Variants in ZNF362 observed in about 807,000 individuals in gnomAD.
The protein encoded by ZNF362 is rotund homolog.
ZNF362 carries 11 observed loss-of-function variants against 42.9 expected under a neutral mutation model. The ratio of observed to expected loss-of-function variants is 0.26; its 90% CI spans 0.16 to 0.42. The LOEUF is 0.42. ZNF362 is among the 20% of genes least tolerant of loss of function. The pLI is 1.00. For synonymous variants in ZNF362, 255 were observed against 257.3 expected, an observed-to-expected ratio of 0.99 and a Z score of 0.09; for missense variants, 362 against 576.2, an observed-to-expected ratio of 0.63 and a Z score of 3.81.
At chr1:33,157,340 C>T in the ZNF362 span, among the ~76,000 whole-genome samples, 9 of 152,104 alleles carry the variant, frequency 5.9e-5, no homozygotes, top group African/African-American at 1.9e-4. Flanking sequence ...TTTGCACTTG[C>T]TGTCCCCATG....
chr1:33,295,368 G>C, intron 8 of ZNF362, 63 bp downstream of exon 8: 1 of 1,570,674 alleles, frequency 6.4e-7, no homozygotes, highest in Non-Finnish European at 8.7e-7. Context: ...GGCCTCAGTT[G>C]CTTCCCCATT....
intron 1 of ZNF362, among the ~76,000 whole-genome samples, chr1:33,260,354 A>G (rs1645821038): frequency 1.3e-5 from 2 of 152,126 alleles, no homozygotes; most frequent in South Asian, 4.1e-4. Context: ...GTTTCATTCT[A>G]CACCTTGAAT....
At chr1:33,222,485 C>A in the ZNF362 span, among the ~76,000 whole-genome samples, 1 of 152,154 alleles carries the variant, frequency 6.6e-6, no homozygotes, top group East Asian at 1.9e-4. Flanking sequence ...TCTCCACATT[C>A]GCCAGAGTGA....
the ZNF362 span, among the ~76,000 whole-genome samples, chr1:33,208,483 T>C: frequency 6.6e-6 from 1 of 152,164 alleles, no homozygotes; most frequent in Non-Finnish European, 1.5e-5. Flanking sequence ...AGTGGTAGCT[T>C]GATGGGGATA....
the ZNF362 span, chr1:33,180,970 C>T: frequency 1.3e-6 from 1 of 780,410 alleles, no homozygotes; most frequent in Non-Finnish European, 1.9e-6. Flanking sequence ...ACCCCCCGCC[C>T]GGCCCCACCT....
At chr1:33,181,231 G>C in the ZNF362 span, 1 of 1,564,948 alleles carries the variant, frequency 6.4e-7, no homozygotes, top group Non-Finnish European at 8.6e-7. This position sits in a 1 kb window ranked among gnomAD's most constrained non-coding sequence, Gnocchi z 6.5. Context: ...ATGTTGGCCA[G>C]CTTGAGGCTG....
intron 1 of ZNF362, among the ~76,000 whole-genome samples, chr1:33,258,275 G>C (rs116727947): frequency 1.3e-5 from 2 of 152,148 alleles, no homozygotes; most frequent in African/African-American, 4.8e-5. Flanking sequence ...GGCCCACAAG[G>C]TCTGGGGTGA....
chr1:33,197,707 G>A, the ZNF362 span, among the ~76,000 whole-genome samples: 7 of 152,172 alleles, frequency 4.6e-5, no homozygotes, highest in African/African-American at 1.7e-4. Flanking sequence ...GGAGGAGACA[G>A]AGCTGAGAGG....
intron 1 of ZNF362, chr1:33,261,334 A>G (rs1645826629): frequency 1.3e-5 from 2 of 152,144 alleles, no homozygotes; most frequent in South Asian, 4.1e-4. Flanking sequence ...TTTCTTGACA[A>G]TGTGTAAAGT....
At chr1:33,170,147 T>A in the ZNF362 span, among the ~76,000 whole-genome samples, 1 of 152,042 alleles carries the variant, frequency 6.6e-6, no homozygotes, top group Non-Finnish European at 1.5e-5. Flanking sequence ...CTGGCCAACA[T>A]GGCAAAACCC....
chr1:33,246,520 G>C, the ZNF362 span, among the ~76,000 whole-genome samples: 6 of 152,324 alleles, frequency 3.9e-5, no homozygotes, highest in Non-Finnish European at 7.3e-5. Flanking sequence ...GTAGTGATCA[G>C]AGTGGATGCT....
At chr1:33,252,728 CAG>C (rs893126409), upstream of ZNF362, among the ~76,000 whole-genome samples, 50 of 152,274 alleles carry the variant, frequency 3.3e-4, no homozygotes, top group African/African-American at 1.2e-3. Context: ...AGTGAAAAAA[CAG>C]AAAGTGTGAG....
At chr1:33,169,433 C>T in the ZNF362 span, among the ~76,000 whole-genome samples, 1 of 152,144 alleles carries the variant, frequency 6.6e-6, no homozygotes, top group East Asian at 1.9e-4. Context: ...GGCTGTGGCC[C>T]CAGGCTCCTC....
At chr1:33,168,594 G>A in the ZNF362 span, among the ~76,000 whole-genome samples, 4 of 152,182 alleles carry the variant, frequency 2.6e-5, no homozygotes, top group African/African-American at 9.7e-5. Flanking sequence ...AGAGAGAAAC[G>A]CACCCCATCT....
chr1:33,128,688 G>T, the ZNF362 span, among the ~76,000 whole-genome samples: 2 of 152,072 alleles, frequency 1.3e-5, no homozygotes, highest in Non-Finnish European at 2.9e-5. Context: ...CTGCTCTCTG[G>T]GCATTTTTGT....
At chr1:33,143,523 A>T in the ZNF362 span, among the ~76,000 whole-genome samples, 1 of 152,136 alleles carries the variant, frequency 6.6e-6, no homozygotes, top group African/African-American at 2.4e-5. Flanking sequence ...GCTGCTCTCC[A>T]TCAGACAATC....
At chr1:33,224,904 G>T in the ZNF362 span, among the ~76,000 whole-genome samples, 1 of 151,610 alleles carries the variant, frequency 6.6e-6, no homozygotes, top group South Asian at 2.1e-4. Context: ...CTTAAAAGAG[G>T]CCAGAGAGAA....
At chr1:33,165,646 G>C in the ZNF362 span, 1 of 1,287,294 alleles carries the variant, frequency 7.8e-7, no homozygotes, top group Non-Finnish European at 1.1e-6. This position sits in a 1 kb window ranked among gnomAD's most constrained non-coding sequence, Gnocchi z 4.0. Flanking sequence ...GCCAGGCGCT[G>C]GGGGTTAGCC....
the ZNF362 span, among the ~76,000 whole-genome samples, chr1:33,226,333 C>T: frequency 1.3e-5 from 2 of 152,160 alleles, no homozygotes; most frequent in African/African-American, 4.8e-5. Context: ...GGTCCACCAG[C>T]CTTGGAGCTC....
Sources: gnomAD v4.1 joint callset for allele counts (sites outside exome capture counted in the v4.1 genomes callset) on GRCh38, gnomAD v4.1.1 for gene constraint, Gnocchi (gnomAD v3.1) non-coding constraint, MANE v1.5 for transcripts, NCBI Gene and HGNC (gene_info 2026-07-23, HGNC 2026-07-21) for gene names.